The following MED16 variants were observed in gnomAD, a reference collection of about 807,000 sequenced individuals.
The protein encoded by MED16 is mediator of RNA polymerase II transcription subunit 16.
In MED16, 81 loss-of-function variants were observed where a neutral mutation model predicts 84.4. The ratio of observed to expected loss-of-function variants is 0.96; its 90% CI spans 0.80 to 1.15. The LOEUF is 1.15. Ranked by LOEUF, MED16 falls within the 50% of genes most tolerant of loss-of-function variation. The pLI is 0.00. For synonymous variants in MED16, 897 were observed against 552.2 expected (o/e 1.62, Z -8.76); for missense variants, 1,585 against 1,245.9 (o/e 1.27, Z -4.10).
chr19:871,252 A>C lies in MED16; in HGVS notation c.2100T>G (p.Cys700Trp), dbSNP rs1309064119. 6.5e-7 allele frequency: 1 copy of C among 1,533,882 alleles called. No individual in the cohort carries two copies. Among genetic ancestry groups the C allele is most frequent in the Non-Finnish European group, 8.8e-7 (1 of 1,135,016 alleles). ...GCTCGCTCGCTGGGCCCTCATCGCG[A>C]CCTGCGGAGAGAGGTGGCGGAAGTC... ...FRLLTKLWIC[C>W]RDEGPASEPD... Residue 700 changes from cysteine (C) to tryptophan (W), a missense_variant and splice_region_variant, in exon 13 of 16, where the codon TGT becomes TGG. By Grantham distance (215) the Cys-to-Trp change is radical. Coordinates refer to ENST00000325464, the MANE Select transcript of MED16 (RefSeq NM_005481.3).
At chr19:885,256 G>A (rs2036502113) in intron 5 of MED16, among the ~76,000 whole-genome samples, 1 of 152,178 alleles carries the variant, frequency 6.6e-6, no homozygotes, top group African/African-American at 2.4e-5. Flanking sequence ...AGGGAACCAA[G>A]TCAGGGGCTT....
intron 13 of MED16, among the ~76,000 whole-genome samples, chr19:870,829 T>A (rs558004992): frequency 6.2e-4 from 73 of 117,182 alleles, no homozygotes; most frequent in Middle Eastern, 5.7e-3. Context: ...GCCGTGTGGA[T>A]TCGGGGGGTC....
intron 10 of MED16, among the ~76,000 whole-genome samples, chr19:874,583 C>T (rs895678421): frequency 9.2e-5 from 14 of 152,180 alleles, no homozygotes; most frequent in African/African-American, 3.4e-4. Flanking sequence ...GCAGACCTGC[C>T]TGCACAGGAC....
chr19:892,921 CG>C (rs1568335828), intron 1 of MED16, 164 bp downstream of exon 1: 3 of 144,742 alleles, frequency 2.1e-5, no homozygotes, highest in East Asian at 3.9e-4. Flanking sequence ...CCCCGCGCCC[CG>C]CGCCCCGCGC....
intron 1 of MED16, among the ~76,000 whole-genome samples, 160 bp from the exon 2 acceptor site, chr19:891,309 G>A (rs895076415): frequency 5.3e-5 from 8 of 152,204 alleles, no homozygotes; most frequent in Non-Finnish European, 4.4e-5. Context: ...GGGCCGAGGG[G>A]GAACATGGAG....
At chr19:876,857 G>GCACGGGACCACCTGC (rs904331671) in intron 9 of MED16, 117 bp downstream of exon 9, 25 of 863,892 alleles carry the variant, frequency 2.9e-5, no homozygotes, top group Admixed American at 7.1e-5. Context: ...GCCCCACCTG[G>GCACGGGACCACCTGC]CACGGGACCA....
At chr19:880,199 G>A (rs367792516) in intron 7 of MED16, 51 bp from the exon 8 acceptor site, 82 of 1,505,152 alleles carry the variant, frequency 5.4e-5, no homozygotes, top group African/African-American at 2.5e-4. Flanking sequence ...GGACACGCCC[G>A]CCGGGGGAGG....
In MED16 at chr19:875,314, G is replaced by C; in HGVS notation, c.1701C>G (p.His567Gln). ...GGCTCTTGTCAGGCGTGTTGAGAAA[G>C]TGGGGGCGCAGCAGCGACTTCAGGG... is the stretch of plus-strand genomic sequence containing the variant. ...SSTLKSLLRP[H>Q]FLNTPDKSPG... is the part of the protein sequence containing the mutation. The change falls in exon 10 of 16, where the codon CAC becomes CAG. Residue 567 changes from histidine (H) to glutamine (Q), a missense_variant. Transcript: ENST00000325464. 1.9e-6 allele frequency: 3 copies of C among 1,611,076 alleles called. No individual in the cohort carries two copies. Among genetic ancestry groups the C allele is most frequent in the Non-Finnish European group, 2.5e-6 (3 of 1,179,834 alleles).
intron 6 of MED16, 58 bp downstream of exon 6, chr19:884,844 TA>T: frequency 1.4e-6 from 2 of 1,411,212 alleles, no homozygotes; most frequent in Non-Finnish European, 1.9e-6. Context: ...GCCTCCAAAA[TA>T]AAAACCAACC....
At chr19:881,390 A>C (rs1388592972) in intron 7 of MED16, among the ~76,000 whole-genome samples, 169 bp downstream of exon 7, 2 of 152,104 alleles carry the variant, frequency 1.3e-5, no homozygotes, top group Non-Finnish European at 2.9e-5. Flanking sequence ...CTGCCTCCTA[A>C]TTGGGAACCC....
At chr19:888,957 C>T (rs762010412) in intron 4 of MED16, among the ~76,000 whole-genome samples, 3 of 152,162 alleles carry the variant, frequency 2.0e-5, no homozygotes, top group Non-Finnish European at 4.4e-5. Flanking sequence ...TCCCCGAGAC[C>T]CTGCCGTCAG....
intron 6 of MED16, among the ~76,000 whole-genome samples, chr19:883,369 G>A: frequency 6.9e-6 from 1 of 145,524 alleles, no homozygotes; most frequent in East Asian, 2.0e-4. Flanking sequence ...GTGGGCACGT[G>A]GGGTGGTGGG....
chr19:873,848 G>C (rs1768373452), intron 10 of MED16, among the ~76,000 whole-genome samples: 1 of 152,120 alleles, frequency 6.6e-6, no homozygotes, highest in African/African-American at 2.4e-5. Context: ...AGGTCCCCAT[G>C]CCAGGGCCAC....
chr19:873,743 G>A (rs1651888), intron 10 of MED16, among the ~76,000 whole-genome samples, 161 bp from the exon 11 acceptor site: 45,084 of 151,838 alleles, frequency 0.3, 7,278 homozygotes, highest in African/African-American at 0.4. Context: ...GTTGCCGGAC[G>A]GAGAGGAACT....
chr19:872,873 G>C, intron 11 of MED16: 1 of 803,616 alleles, frequency 1.2e-6, no homozygotes, highest in South Asian at 4.0e-5. Flanking sequence ...GGGGCTTTGA[G>C]AATGGGCAGG....
chr19:876,696 C>T (rs894510161), intron 9 of MED16, among the ~76,000 whole-genome samples: 69 of 152,222 alleles, frequency 4.5e-4, no homozygotes, highest in African/African-American at 1.3e-3. Context: ...CCCCAACCTG[C>T]CGCAGGGAAA....
intron 6 of MED16, among the ~76,000 whole-genome samples, chr19:883,137 C>T (rs1373166788): frequency 6.6e-6 from 1 of 152,234 alleles, no homozygotes; most frequent in Non-Finnish European, 1.5e-5. Flanking sequence ...GGTCAGCATT[C>T]CTAAATGAGG....
At chr19:883,583 G>A (rs375200158) in intron 6 of MED16, among the ~76,000 whole-genome samples, 105 of 152,286 alleles carry the variant, frequency 6.9e-4, no homozygotes, top group South Asian at 6.8e-3. Flanking sequence ...GAAAGGCTGT[G>A]GCATGTGTGT....
intron 2 of MED16, 64 bp downstream of exon 2, chr19:890,899 C>T: frequency 3.2e-6 from 5 of 1,546,206 alleles, no homozygotes; most frequent in Non-Finnish European, 4.4e-6. Context: ...GTGGGCCGGG[C>T]ACCTGGGGAA....
Sources: gnomAD v4.1 joint callset for allele counts (sites outside exome capture counted in the v4.1 genomes callset) on GRCh38, gnomAD v4.1.1 for gene constraint, MANE v1.5 for transcripts, NCBI Gene and HGNC (gene_info 2026-07-23, HGNC 2026-07-21) for gene names.